Variants in MFSD12 observed in about 807,000 individuals in gnomAD.
MFSD12 encodes the protein major facilitator superfamily domain-containing protein 12.
Under a neutral mutation model 51.2 loss-of-function variants are expected in MFSD12, and 67 were observed. The observed-to-expected ratio is 1.31, with a 90% CI of 1.08 to 1.60. The LOEUF (loss-of-function observed/expected upper bound fraction) is 1.60. Ranked by LOEUF, MFSD12 falls within the 40% of genes most tolerant of loss-of-function variation. MFSD12 has a pLI of 0.00. For missense variants in MFSD12, 921 were observed against 673.0 expected, an observed-to-expected ratio of 1.37 and a Z score of -4.08; for synonymous variants, 441 against 316.7, an observed-to-expected ratio of 1.39 and a Z score of -4.17.
rs2031060817 is a variant in MFSD12 at position 3,546,435 on chromosome 19, C to T, written c.1024-10G>A. ...CTGAGAAGTAGGTCATCTGCAGGGA[C>T]AGCCCCGGGGTCAGGCCCACACCAC... is the stretch of plus-strand genomic sequence containing the variant. On this transcript the variant is annotated splice_polypyrimidine_tract_variant and intron_variant, in intron 6 of 9. Coordinates refer to ENST00000355415, the MANE Select transcript of MFSD12 (RefSeq NM_174983.5). The T allele has an allele frequency of 1.3e-6, 2 of 1,598,642 alleles. No homozygotes were observed. Among genetic ancestry groups the T allele is most frequent in the African/African-American group, 1.3e-5 (1 of 74,744 alleles).
chr19:3,539,639 G>A (rs915050460), downstream of MFSD12: 15 of 222,312 alleles, frequency 6.7e-5, no homozygotes, highest in South Asian at 2.0e-3. Context: ...GCAACCCCAG[G>A]CACTCCTTGG....
At chr19:3,543,606 C>T (rs1221665565), downstream of MFSD12, 8 of 1,544,848 alleles carry the variant, frequency 5.2e-6, no homozygotes, top group East Asian at 1.5e-4. Flanking sequence ...ATCGTCCCTG[C>T]CCAGTACCAG....
chr19:3,546,924 C>T (rs1285111653), intron 6 of MFSD12, among the ~76,000 whole-genome samples: 1 of 151,192 alleles, frequency 6.6e-6, no homozygotes, highest in Middle Eastern at 3.2e-3. Context: ...AGCTCCGCCT[C>T]CCGGGTTCAC....
In MFSD12 at chr19:3,546,354, A is replaced by T. The variant is rs1430692920; in HGVS notation, c.1095T>A (p.Gly365=). The T allele has an allele frequency of 1.9e-6, 3 of 1,607,784 alleles. No homozygotes were observed. Among genetic ancestry groups the T allele is most frequent in the Non-Finnish European group, 2.5e-6 (3 of 1,178,002 alleles). The change falls in exon 7 of 10, where the codon GGT becomes GGA. Residue 365 remains glycine, a synonymous_variant. Coordinates refer to ENST00000355415, the MANE Select transcript of MFSD12 (RefSeq NM_174983.5). ...GCACAGCCGCTGCGTACACGGCCACACCCAGTCCCTCCGCCAGCGCCACCC... is the reference window on the plus strand; with the variant it reads ...GCACAGCCGCTGCGTACACGGCCACTCCCAGTCCCTCCGCCAGCGCCACCC... The part of the protein sequence containing the change: ...AAWVALAEGL[G]VAVYAAAVLL...
chr19:3,544,356 C>T lies in MFSD12; in HGVS notation c.*354G>A. On this transcript the variant is annotated 3_prime_UTR_variant, in exon 10 of 10. Coordinates refer to ENST00000355415, the MANE Select transcript of MFSD12 (RefSeq NM_174983.5). ...GGGGCCCTGGCAGTGTCTGGAGACC[C>T]CCAGGCTGGAGGTGAGGGGTGAACT... The T allele has an allele frequency of 2.4e-6, 3 of 1,274,106 alleles. No homozygotes were observed. Among genetic ancestry groups the T allele is most frequent in the Non-Finnish European group, 3.0e-6 (3 of 1,010,006 alleles). 78.9% of individuals were successfully genotyped at this position (1,274,106 alleles called of 1,614,324 possible).
rs563277048 is a variant in MFSD12 at position 3,557,480 on chromosome 19, G to A, written c.-77C>T. On this transcript the variant is annotated 5_prime_UTR_variant, in exon 1 of 10. Transcript: ENST00000355415. ...GGCCAGGCCTTCTTGGGTGCCGTGG[G>A]GGCAGGCGCCGGGGACCCCCACCAC... 2 of 973,536 alleles carry A rather than the reference G, an allele frequency of 2.1e-6. No individual in the cohort carries two copies. Among genetic ancestry groups the A allele is most frequent in the South Asian group, 5.1e-5 (1 of 19,610 alleles). The allele number at this position is 973,536 out of a possible 1,614,324, so 60.3% of individuals were successfully genotyped here.
At chr19:3,546,927 G>A (rs974135273) in intron 6 of MFSD12, among the ~76,000 whole-genome samples, 11 of 151,504 alleles carry the variant, frequency 7.3e-5, no homozygotes, top group East Asian at 3.9e-4. Context: ...TCCGCCTCCC[G>A]GGTTCACGCC....
At chr19:3,548,366 A>C in intron 2 of MFSD12, 99 bp from the exon 3 acceptor site, 1 of 1,461,254 alleles carries the variant, frequency 6.8e-7, no homozygotes, top group Non-Finnish European at 9.1e-7. Flanking sequence ...GGAACCCCTG[A>C]CTGACAGGTG....
chr19:3,547,997 C>A lies in MFSD12; in HGVS notation c.688G>T (p.Val230Leu), dbSNP rs753577445. ...CCCAGGTGGAATAGCAGTGAGAACA[C>A]GGCGCCGACACCCACCACCAGCAGG... Reference protein sequence around the residue: ...LSLLVVGVGAVFSLLFHLGTR... With the variant: ...LSLLVVGVGALFSLLFHLGTR... The change falls in exon 4 of 10, where the codon GTG (valine) becomes TTG (leucine). Residue 230 changes from valine to leucine, a missense_variant. Physicochemically the swap from Val to Leu is conservative, Grantham distance 32. Transcript: ENST00000355415. The A allele has an allele frequency of 6.3e-7, 1 of 1,598,686 alleles. No homozygotes were observed. Among genetic ancestry groups the A allele is most frequent in the Non-Finnish European group, 8.5e-7 (1 of 1,179,310 alleles).
At chr19:3,544,013 G>C (rs764787534), downstream of MFSD12, 7 of 1,533,496 alleles carry the variant, frequency 4.6e-6, no homozygotes, top group South Asian at 3.7e-5. Flanking sequence ...CCCGATAAAG[G>C]CATGCTACCA....
rs2145176703 is a variant in MFSD12 at position 3,544,721 on chromosome 19, C to T, written c.1432G>A (p.Ala478Thr). 1.3e-6 allele frequency: 2 copies of T among 1,580,074 alleles called. No homozygotes were observed. The highest frequency in any genetic ancestry group is 4.6e-5 in the East Asian group (2 of 43,194). ...PTRLRRWDRD[A>T]RP is the part of the protein sequence containing the mutation. ...GAGGCTGTCAGGAGTCAGGGCCGGG[C>T]ATCACGGTCCCCTGCAAGGGAGGGG... Residue 478 changes from alanine to threonine, a missense_variant, in exon 10 of 10, where the codon GCC becomes ACC. Ala to Thr is a moderately conservative substitution (Grantham distance 58, BLOSUM62 0). Coordinates refer to ENST00000355415, the MANE Select transcript of MFSD12 (RefSeq NM_174983.5).
chr19:3,542,975 A>G, downstream of MFSD12: 1 of 1,560,732 alleles, frequency 6.4e-7, no homozygotes, highest in Non-Finnish European at 8.7e-7. Flanking sequence ...CAGGCAAGAA[A>G]AGCTGAGAAC....
chr19:3,552,126 G>A (rs939498158), intron 1 of MFSD12, among the ~76,000 whole-genome samples: 9 of 152,050 alleles, frequency 5.9e-5, no homozygotes, highest in Admixed American at 4.6e-4. Flanking sequence ...AGCCTCCAAG[G>A]GGCCTGGGGA....
At chr19:3,549,592 G>A (rs540877687) in intron 2 of MFSD12, among the ~76,000 whole-genome samples, 27 of 151,732 alleles carry the variant, frequency 1.8e-4, no homozygotes, top group African/African-American at 3.9e-4. Context: ...GGGTGGTGGC[G>A]GGTGCCTGTA....
At chr19:3,557,018 C>T (rs2145230663) in intron 1 of MFSD12, 88 bp downstream of exon 1, 5 of 1,064,976 alleles carry the variant, frequency 4.7e-6, no homozygotes, top group African/African-American at 3.5e-5. Context: ...GGCAGGCAGA[C>T]GGCGGGTGGT....
downstream of MFSD12, chr19:3,544,175 C>A (rs1298614401): frequency 2.2e-6 from 3 of 1,371,322 alleles, no homozygotes; most frequent in Non-Finnish European, 2.8e-6. Flanking sequence ...CCAGAGCCCC[C>A]CCGCAGGCAG....
rs1183117903 is a variant in MFSD12, at chr19:3,550,866, T to C, written c.509+118A>G. 5 of 825,960 alleles carry C rather than the reference T, an allele frequency of 6.1e-6. No individual in the cohort carries two copies. In the African/African-American group the frequency reaches 6.9e-5, roughly 11 times the overall value. 51.2% of individuals were successfully genotyped at this position (825,960 alleles called of 1,614,324 possible). A position where few individuals can be genotyped will look rare whatever the true frequency, so the allele number is the denominator to read the frequency against. On this transcript the variant is annotated intron_variant, in intron 2 of 9. Coordinates refer to ENST00000355415, the MANE Select transcript of MFSD12 (RefSeq NM_174983.5). Reference sequence around the variant, plus strand: ...AGACCCCCTTTCAAAAAAATAAACATGAAAGACTGCCTGGTCTCGAGCTGC... The same window carrying C: ...AGACCCCCTTTCAAAAAAATAAACACGAAAGACTGCCTGGTCTCGAGCTGC...
chr19:3,543,431 T>C (rs2030609787), downstream of MFSD12: 6 of 1,544,244 alleles, frequency 3.9e-6, no homozygotes, highest in South Asian at 3.6e-5. Context: ...CTACAACCGC[T>C]GGCACAGCTG....
downstream of MFSD12, among the ~76,000 whole-genome samples, chr19:3,541,265 G>C (rs1180628870): frequency 6.6e-6 from 1 of 151,904 alleles, no homozygotes; most frequent in African/African-American, 2.4e-5. Context: ...GAGCCTAGGA[G>C]GTCAAGGCTG....
Sources: allele counts gnomAD v4.1 joint callset (sites outside exome capture counted in the v4.1 genomes callset), GRCh38; gene constraint gnomAD v4.1.1; transcripts MANE v1.5; gene names NCBI Gene and HGNC (gene_info 2026-07-23, HGNC 2026-07-21).